PTPRD: variants seen among roughly 807,000 people sequenced by gnomAD.
PTPRD encodes protein tyrosine phosphatase receptor type D.
Under a neutral mutation model 214.5 loss-of-function variants are expected in PTPRD, and 34 were observed. The ratio of observed to expected loss-of-function variants is 0.16; its 90% CI spans 0.12 to 0.21. PTPRD has a LOEUF of 0.21. Among genes scored for constraint, PTPRD ranks in the 10% least tolerant of loss-of-function variants. The pLI is 1.00. For synonymous variants in PTPRD, 1,128 were observed against 845.7 expected (o/e 1.33, Z -5.79); for missense variants, 2,545 against 2,398.7 (o/e 1.06, Z -1.27).
intron 2 of PTPRD, among the ~76,000 whole-genome samples, chr9:10,414,182 G>GA (rs937535423): frequency 4.0e-5 from 6 of 151,718 alleles, no homozygotes; most frequent in South Asian, 2.1e-4. Flanking sequence ...TACAGAATGG[G>GA]AAAAAATATT....
chr9:10,552,948 A>C (rs1198502209), intron 2 of PTPRD, among the ~76,000 whole-genome samples: 1 of 152,186 alleles, frequency 6.6e-6, no homozygotes, highest in African/African-American at 2.4e-5. Flanking sequence ...TTGATATAGT[A>C]GTCTTGATGA....
In PTPRD at chr9:9,908,396, T is replaced by C. The variant is rs530071085; in HGVS notation, c.-368+30111A>G. 2.6e-5 allele frequency among the ~76,000 whole-genome samples: 4 copies of C among 152,106 alleles called. No homozygotes were observed. In the East Asian group the frequency reaches 7.7e-4, roughly 29 times the overall value. On this transcript the variant is annotated intron_variant, in intron 5 of 45. Transcript: ENST00000381196. ...CAGGTGGGAAGGGGTCTCTCCAGCC[T>C]GTCTGAGGACTAGTCCTTTGAAAGT... is the stretch of plus-strand genomic sequence containing the variant.
chr9:9,490,206 A>G (rs930092014), intron 8 of PTPRD, among the ~76,000 whole-genome samples: 12 of 152,126 alleles, frequency 7.9e-5, no homozygotes, highest in Non-Finnish European at 1.0e-4. Context: ...ACAGATAAAC[A>G]AAGTTGCTGG....
intron 3 of PTPRD, among the ~76,000 whole-genome samples, chr9:10,331,903 C>G (rs1047646607): frequency 1.3e-5 from 2 of 151,734 alleles, no homozygotes; most frequent in African/African-American, 4.8e-5. Context: ...ATTAAATCAT[C>G]TAGGAAATAT....
At chr9:8,894,502 A>AG (rs1271386689) in intron 11 of PTPRD, among the ~76,000 whole-genome samples, 3 of 151,704 alleles carry the variant, frequency 2.0e-5, no homozygotes, top group Admixed American at 2.0e-4. Context: ...TCCTGATAGG[A>AG]GTCAGAATGT....
At chr9:10,112,218 C>T (rs905039320) in intron 3 of PTPRD, among the ~76,000 whole-genome samples, 1 of 152,100 alleles carries the variant, frequency 6.6e-6, no homozygotes, top group East Asian at 1.9e-4. Context: ...CACCAGAAGC[C>T]GACTAGCCAG....
chr9:10,030,751 C>T (rs950684978), intron 4 of PTPRD, among the ~76,000 whole-genome samples: 1 of 152,184 alleles, frequency 6.6e-6, no homozygotes, highest in Non-Finnish European at 1.5e-5. Context: ...GTGTCCTGAA[C>T]ACTGCCCATG....
chr9:8,793,715 C>A (rs990180701), intron 11 of PTPRD, among the ~76,000 whole-genome samples: 4 of 151,930 alleles, frequency 2.6e-5, no homozygotes, highest in African/African-American at 9.7e-5. Context: ...AAAAGACAGA[C>A]AAGACTGACA....
At chr9:10,026,372 G>T (rs2096923629) in intron 4 of PTPRD, among the ~76,000 whole-genome samples, 1 of 152,112 alleles carries the variant, frequency 6.6e-6, no homozygotes, top group Non-Finnish European at 1.5e-5. Context: ...ATAACCATGG[G>T]ACTGGAAATA....
chr9:8,315,976 T>C lies in PTPRD; in HGVS notation c.*1898A>G, dbSNP rs541733078. 1.4e-4 allele frequency: 31 copies of C among 227,354 alleles called. No individual in the cohort carries two copies. Among genetic ancestry groups the C allele is most frequent in the African/African-American group, 6.9e-4 (31 of 45,092 alleles). 14.1% of individuals were successfully genotyped at this position (227,354 alleles called of 1,614,324 possible). ...TAGTTTATTTCCCCTTTTAGAAAAATCCTAATGGAATATCAAATATATTCC... is the reference window on the plus strand; with the variant it reads ...TAGTTTATTTCCCCTTTTAGAAAAACCCTAATGGAATATCAAATATATTCC... On this transcript the variant is annotated 3_prime_UTR_variant, in exon 46 of 46. Transcript: ENST00000381196.
chr9:8,384,340 G>A (rs2086215825), intron 37 of PTPRD, among the ~76,000 whole-genome samples: 1 of 152,064 alleles, frequency 6.6e-6, no homozygotes, highest in Non-Finnish European at 1.5e-5. Flanking sequence ...GAACTAGAAT[G>A]ACTTGCTACA....
intron 9 of PTPRD, among the ~76,000 whole-genome samples, chr9:9,352,093 A>G (rs1019914733): frequency 3.3e-5 from 5 of 151,814 alleles, no homozygotes; most frequent in African/African-American, 1.2e-4. Flanking sequence ...CAGGAATCCC[A>G]GCCTCTGCAC....
At chr9:9,602,716 T>C (rs2154338770) in intron 7 of PTPRD, among the ~76,000 whole-genome samples, 1 of 152,228 alleles carries the variant, frequency 6.6e-6, no homozygotes, top group South Asian at 2.1e-4. Flanking sequence ...CTAGTGTTAC[T>C]CTATCTTATT....
chr9:9,211,533 A>G (rs1473040755), intron 9 of PTPRD, among the ~76,000 whole-genome samples: 1 of 116,054 alleles, frequency 8.6e-6, no homozygotes, highest in Non-Finnish European at 2.2e-5. Context: ...ACACACACAC[A>G]CACACACACA....
intron 5 of PTPRD, among the ~76,000 whole-genome samples, chr9:9,808,050 T>C (rs962775652): frequency 6.6e-6 from 1 of 152,178 alleles, no homozygotes; most frequent in African/African-American, 2.4e-5. Flanking sequence ...GAAACCAAAA[T>C]AGGCAACTAT....
At chr9:10,115,966 ATAATT>A (rs1188833186) in intron 3 of PTPRD, among the ~76,000 whole-genome samples, 1 of 152,104 alleles carries the variant, frequency 6.6e-6, no homozygotes, top group Non-Finnish European at 1.5e-5. Context: ...CATGCAATAC[ATAATT>A]TAAGATAGAA....
At chr9:8,617,520 AC>A (rs2095653513) in intron 14 of PTPRD, among the ~76,000 whole-genome samples, 1 of 152,132 alleles carries the variant, frequency 6.6e-6, no homozygotes, top group African/African-American at 2.4e-5. Context: ...TTTAAAATTT[AC>A]TGACATGTAT....
chr9:8,451,609 G>C (rs1436171562), intron 33 of PTPRD, among the ~76,000 whole-genome samples: 1 of 152,186 alleles, frequency 6.6e-6, no homozygotes, highest in African/African-American at 2.4e-5. Flanking sequence ...TACCACTGAA[G>C]ATGCAAAATC....
intron 12 of PTPRD, among the ~76,000 whole-genome samples, chr9:8,722,123 CTGTGTGTGTGTGTGTG>C (rs34720946): frequency 6.1e-5 from 9 of 147,368 alleles, no homozygotes; most frequent in South Asian, 2.2e-4. Context: ...AAGTATTACT[CTGTGTGTGTGTGTGTG>C]TGTGTGTGTG....
Sources: allele counts gnomAD v4.1 joint callset (sites outside exome capture counted in the v4.1 genomes callset), GRCh38; gene constraint gnomAD v4.1.1; transcripts MANE v1.5; gene names NCBI Gene and HGNC (gene_info 2026-07-23, HGNC 2026-07-21).